MYCBPAP: variants seen among roughly 807,000 people sequenced by gnomAD.
The protein encoded by MYCBPAP is MYCBP-associated protein.
A neutral mutation model predicts 106.1 loss-of-function variants in MYCBPAP; 60 were observed. The ratio of observed to expected loss-of-function variants is 0.57; its 90% CI spans 0.46 to 0.70. The LOEUF is 0.70. Among genes scored for constraint, MYCBPAP ranks in the 30% least tolerant of loss-of-function variants. The probability of loss-of-function intolerance (pLI) is 0.00; values close to 1 mark genes in which losing one functional copy is unlikely to be tolerated. For missense variants in MYCBPAP, 1,064 were observed against 1,169.3 expected (o/e 0.91, Z 1.31); for synonymous variants, 407 against 440.6 (o/e 0.92, Z 0.95).
chr17:50,523,199 A>G, intron 11 of MYCBPAP, 71 bp downstream of exon 11: 2 of 1,485,804 alleles, frequency 1.3e-6, no homozygotes, highest in Non-Finnish European at 1.9e-6. Context: ...GAGACATCAA[A>G]GTTTAGTTAT....
rs2143927415 is a variant in MYCBPAP, at chr17:50,517,144, CAT to C, written c.205-148_205-147del. The C allele has an allele frequency of 6.9e-6, 5 of 722,026 alleles. No homozygotes were observed. The East Asian group carries it at 1.3e-4, about 19-fold the overall frequency. The allele number at this position is 722,026 out of a possible 1,614,324, so 44.7% of individuals were successfully genotyped here. ...CTAAGTCACATATCTGTTACACAGG[CAT>C]TTCCTTGACAGAACATATGGACAGA... On this transcript the variant is annotated intron_variant, in intron 2 of 18. Transcript: ENST00000323776.
At chr17:50,514,008 A>T (rs1023302229) in intron 1 of MYCBPAP, among the ~76,000 whole-genome samples, 1 of 152,230 alleles carries the variant, frequency 6.6e-6, no homozygotes, top group Non-Finnish European at 1.5e-5. Context: ...CCCATTACAG[A>T]AACAGACTGT....
chr17:50,508,104 C>T (rs1449175293), upstream of MYCBPAP, among the ~76,000 whole-genome samples: 1 of 151,360 alleles, frequency 6.6e-6, no homozygotes, highest in South Asian at 2.1e-4. Flanking sequence ...ACCTACGGTA[C>T]GCCACGAAGG....
intron 15 of MYCBPAP, among the ~76,000 whole-genome samples, chr17:50,527,628 C>A (rs755817697): frequency 6.6e-6 from 1 of 152,088 alleles, no homozygotes; most frequent in African/African-American, 2.4e-5. Context: ...TTTTCTTCCC[C>A]TTTTTGCCTT....
At chr17:50,516,768 A>C (rs1597827514) in intron 2 of MYCBPAP, 71 bp downstream of exon 2, 63 of 1,568,972 alleles carry the variant, frequency 4.0e-5, no homozygotes, top group East Asian at 4.5e-5. Context: ...GGTCTAGAAC[A>C]CCAGCCATGT....
chr17:50,528,444 G>A (rs1257265696), intron 16 of MYCBPAP, among the ~76,000 whole-genome samples, 174 bp downstream of exon 16: 1 of 152,198 alleles, frequency 6.6e-6, no homozygotes, highest in Non-Finnish European at 1.5e-5. Flanking sequence ...GTACCCAGAA[G>A]CTACCTTAGT....
chr17:50,510,491 GTGTGTGTGTATATATATATATATATA>G (rs1348537166), intron 1 of MYCBPAP: 1 of 113,838 alleles, frequency 8.8e-6, no homozygotes, highest in African/African-American at 3.1e-5. Flanking sequence ...GTGTGTGTGT[GTGTGTGTGTATATATATATATATATA>G]TATATATATA....
chr17:50,515,464 C>T (rs2034015418), intron 1 of MYCBPAP, among the ~76,000 whole-genome samples: 2 of 152,218 alleles, frequency 1.3e-5, no homozygotes, highest in African/African-American at 4.8e-5. Context: ...AGATTCTGCA[C>T]TTTAACCAGT....
At chr17:50,522,768 A>G in intron 10 of MYCBPAP, 171 bp from the exon 11 acceptor site, 1 of 408,464 alleles carries the variant, frequency 2.4e-6, no homozygotes, top group South Asian at 7.2e-5. Context: ...AACCTCAGAG[A>G]CAACCACGCT....
rs756475593 is a variant in MYCBPAP at position 50,517,515 on chromosome 17, C to T, written c.364+63C>T. On this transcript the variant is annotated intron_variant, in intron 3 of 18. Transcript: ENST00000323776. ...ACTCATGGGTCAGCCTCAAGAGAAA[C>T]CCAGTCTCCATCAGAAAGTTGCCCT... The T allele has an allele frequency of 4.3e-6, 7 of 1,613,750 alleles. No homozygotes were observed. In the Admixed American group the frequency reaches 6.7e-5, roughly 15 times the overall value.
intron 18 of MYCBPAP, chr17:50,529,914 TGTTA>T: frequency 2.2e-6 from 1 of 444,814 alleles, no homozygotes; most frequent in Non-Finnish European, 4.6e-6. Flanking sequence ...CCGTTTTGTT[TGTTA>T]GTGTTGTTGT....
At chr17:50,528,359 C>T (rs1176754793) in intron 16 of MYCBPAP, 89 bp downstream of exon 16, 10 of 1,144,834 alleles carry the variant, frequency 8.7e-6, no homozygotes, top group Non-Finnish European at 1.3e-5. Context: ...CAGTCATACT[C>T]CTTTGGTGGA....
chr17:50,522,122 C>CAG, intron 10 of MYCBPAP, 41 bp downstream of exon 10: 1 of 1,552,146 alleles, frequency 6.4e-7, no homozygotes, highest in Non-Finnish European at 8.9e-7. Context: ...GAGCCTCCCT[C>CAG]AGGGGTGCAG....
At chr17:50,521,086 G>T in intron 7 of MYCBPAP, 24 bp from the exon 8 acceptor site, 1 of 1,590,576 alleles carries the variant, frequency 6.3e-7, no homozygotes. Context: ...AGCCTGTGCT[G>T]AGGGTCCTTG....
At position 50,514,174 on chromosome 17, in the gene MYCBPAP, C is replaced by T. The variant is rs72834195; in HGVS notation, c.77-2396C>T. Among the ~76,000 whole-genome samples the T allele has an allele frequency of 4.7e-3, 720 of 152,302 alleles. 2 individuals carry two copies. The highest frequency in any genetic ancestry group is 7.4e-3 in the Non-Finnish European group (503 of 68,046). ...AAAGTGTTGGGATTACAAGCGTAAG[C>T]CACTGCACCTGGCCAACAGGCTGAA... On this transcript the variant is annotated intron_variant, in intron 1 of 18. Transcript: ENST00000323776.
At chr17:50,522,381 A>G (rs1333415022) in intron 10 of MYCBPAP, 3 of 258,548 alleles carry the variant, frequency 1.2e-5, no homozygotes, top group Non-Finnish European at 2.3e-5. Flanking sequence ...AAGGAATAGA[A>G]GTGTTCATTG....
At position 50,526,327 on chromosome 17, in the gene MYCBPAP, G is replaced by T. The variant is rs1244924761; in HGVS notation, c.2169+60G>T. On this transcript the variant is annotated intron_variant, in intron 14 of 18. Transcript: ENST00000323776. Reference sequence around the variant, plus strand: ...ATATTCCTGCCTCGAACCAACAAGGGAGGACCCAGCAGCCCCTCTTGCTCT... The same window carrying T: ...ATATTCCTGCCTCGAACCAACAAGGTAGGACCCAGCAGCCCCTCTTGCTCT... 24 of 1,506,614 alleles carry T rather than the reference G, an allele frequency of 1.6e-5. No individual in the cohort carries two copies. Among genetic ancestry groups the T allele is most frequent in the Admixed American group, 8.9e-5 (4 of 44,930 alleles). The allele number at this position is 1,506,614 out of a possible 1,614,324, so 93.3% of individuals were successfully genotyped here.
chr17:50,511,273 C>A (rs1311173956), intron 1 of MYCBPAP, among the ~76,000 whole-genome samples: 2 of 152,018 alleles, frequency 1.3e-5, no homozygotes, highest in Non-Finnish European at 2.9e-5. Flanking sequence ...TTTCTCGGGA[C>A]CTGAGAGCCC....
upstream of MYCBPAP, among the ~76,000 whole-genome samples, chr17:50,508,101 G>C (rs542936271): frequency 2.6e-4 from 39 of 151,820 alleles, no homozygotes; most frequent in African/African-American, 9.0e-4. Flanking sequence ...AAAACCTACG[G>C]TACGCCACGA....
Sources: allele counts gnomAD v4.1 joint callset (sites outside exome capture counted in the v4.1 genomes callset), GRCh38; gene constraint gnomAD v4.1.1; transcripts MANE v1.5; gene names NCBI Gene and HGNC (gene_info 2026-07-23, HGNC 2026-07-21).